LIMS1: variants seen among roughly 807,000 people sequenced by gnomAD.
LIMS1 encodes LIM and senescent cell antigen-like-containing domain protein 1.
Under a neutral mutation model 44.1 loss-of-function variants are expected in LIMS1, and 18 were observed. The observed-to-expected ratio is 0.41, with a 90% CI of 0.28 to 0.61. The LOEUF is 0.61. Among genes scored for constraint, LIMS1 ranks in the 20% least tolerant of loss-of-function variants. The probability of loss-of-function intolerance (pLI) is 0.32; values close to 1 mark genes in which losing one functional copy is unlikely to be tolerated. For synonymous variants in LIMS1, 93 were observed against 149.1 expected, an observed-to-expected ratio of 0.62 and a Z score of 2.74; for missense variants, 201 against 422.0, an observed-to-expected ratio of 0.48 and a Z score of 4.59.
intron 1 of LIMS1, among the ~76,000 whole-genome samples, chr2:108,658,703 G>T (rs1691093678): frequency 6.6e-6 from 1 of 152,298 alleles, no homozygotes; most frequent in Non-Finnish European, 1.5e-5. Flanking sequence ...GTTTTAAGGT[G>T]TAGTGAGGCT....
At chr2:108,552,200 A>G (rs546857725) in intron 1 of LIMS1, among the ~76,000 whole-genome samples, 3 of 144,610 alleles carry the variant, frequency 2.1e-5, no homozygotes, top group Admixed American at 7.0e-5. Context: ...GTATATATAA[A>G]ATATACAATA....
chr2:108,641,054 C>T (rs1689637617), intron 1 of LIMS1, among the ~76,000 whole-genome samples: 2 of 152,300 alleles, frequency 1.3e-5, no homozygotes, highest in South Asian at 2.1e-4. Context: ...CTGTGCCTGA[C>T]TTATTTCACT....
intron 1 of LIMS1, among the ~76,000 whole-genome samples, chr2:108,594,562 G>A (rs551978584): frequency 1.3e-5 from 2 of 151,994 alleles, no homozygotes; most frequent in African/African-American, 2.4e-5. Context: ...TCTACTGAGC[G>A]TATTCAATAA....
intron 1 of LIMS1, among the ~76,000 whole-genome samples, chr2:108,626,447 C>T (rs1688581985): frequency 6.6e-6 from 1 of 152,082 alleles, no homozygotes. Flanking sequence ...GTTCATAGTG[C>T]TTACTCCTAT....
At chr2:108,684,947 A>G (rs115925898) in exon 10 of LIMS1, 1 of 152,134 alleles carries the variant, frequency 6.6e-6, no homozygotes, top group Admixed American at 6.5e-5. Flanking sequence ...AAAAACATAC[A>G]TACTACATAC....
In LIMS1 at chr2:108,611,953, ATATAT is replaced by A. The variant is rs201566577; in HGVS notation, c.33-47646_33-47642del. Among the ~76,000 whole-genome samples, 1,303 of 141,034 alleles carry A rather than the reference ATATAT, an allele frequency of 9.2e-3. 22 individuals carry two copies. The highest frequency in any genetic ancestry group is 0.029 in the African/African-American group (1,093 of 37,230). The allele number at this position is 141,034 out of a possible 152,430, so 92.5% of individuals were successfully genotyped here. On this transcript the variant is annotated intron_variant, in intron 1 of 9. Coordinates refer to ENST00000544547, the Ensembl canonical transcript of LIMS1. The stretch of plus-strand genomic sequence containing the variant: ...ATATACATATATAAAATATATATAC[ATATAT>A]TATATATACACATATATAAAATATA...
intron 2 of LIMS1, among the ~76,000 whole-genome samples, chr2:108,663,287 T>TA (rs1189265179): frequency 1.3e-5 from 2 of 151,976 alleles, no homozygotes; most frequent in Non-Finnish European, 2.9e-5. Flanking sequence ...GCCAGATAAT[T>TA]AAAAAAATTT....
intron 2 of LIMS1, among the ~76,000 whole-genome samples, chr2:108,665,096 T>G (rs1219140905): frequency 6.6e-6 from 1 of 152,224 alleles, no homozygotes; most frequent in African/African-American, 2.4e-5. Context: ...GAAGCTTGGC[T>G]TTAGGAACTG....
At chr2:108,643,380 C>T (rs995489932) in intron 1 of LIMS1, among the ~76,000 whole-genome samples, 3 of 152,146 alleles carry the variant, frequency 2.0e-5, no homozygotes, top group Non-Finnish European at 2.9e-5. Context: ...TTGCCTCACC[C>T]GGGAAGCGCA....
At chr2:108,586,850 G>A (rs1686128118) in intron 1 of LIMS1, among the ~76,000 whole-genome samples, 1 of 152,166 alleles carries the variant, frequency 6.6e-6, no homozygotes, top group Admixed American at 6.5e-5. Context: ...GACTGTCCCT[G>A]CTGGGAATGG....
At chr2:108,587,491 T>C (rs1309839609) in intron 1 of LIMS1, among the ~76,000 whole-genome samples, 1 of 152,068 alleles carries the variant, frequency 6.6e-6, no homozygotes, top group Middle Eastern at 3.2e-3. Context: ...TGTAAGCCAC[T>C]GCACCTGGCC....
At chr2:108,681,881 ACT>A (rs1347887385) in intron 9 of LIMS1, among the ~76,000 whole-genome samples, 2 of 150,280 alleles carry the variant, frequency 1.3e-5, no homozygotes, top group African/African-American at 2.5e-5. Context: ...ACAGAGTGAG[ACT>A]CTGTCTCAAA....
intron 9 of LIMS1, chr2:108,681,495 G>C: frequency 2.0e-6 from 2 of 979,012 alleles, no homozygotes; most frequent in Non-Finnish European, 2.4e-6. Context: ...ACATTTTAAA[G>C]GATTTTTGTC....
chr2:108,552,351 G>A (rs1214919282), intron 1 of LIMS1, among the ~76,000 whole-genome samples: 2 of 137,742 alleles, frequency 1.5e-5, no homozygotes, highest in Non-Finnish European at 3.1e-5. Context: ...GTATATATAT[G>A]AAACTATATA....
intron 1 of LIMS1, among the ~76,000 whole-genome samples, chr2:108,565,935 A>G (rs1183010081): frequency 2.0e-5 from 3 of 152,290 alleles, no homozygotes; most frequent in Admixed American, 6.5e-5. Context: ...CTCCATGCCT[A>G]TCACCTCCTA....
chr2:108,679,392 A>AT (rs1692794616), intron 8 of LIMS1, among the ~76,000 whole-genome samples: 1 of 152,110 alleles, frequency 6.6e-6, no homozygotes, highest in Non-Finnish European at 1.5e-5. Context: ...AGACAGGAGA[A>AT]TCACCTGAAC....
chr2:108,634,255 T>G (rs1253901170), intron 1 of LIMS1, among the ~76,000 whole-genome samples: 1 of 152,218 alleles, frequency 6.6e-6, no homozygotes, highest in African/African-American at 2.4e-5. Flanking sequence ...CCAGCTCTCA[T>G]GCAGCACTCA....
At chr2:108,534,955 G>A (rs930718245) in intron 1 of LIMS1, among the ~76,000 whole-genome samples, 4 of 152,236 alleles carry the variant, frequency 2.6e-5, no homozygotes, top group African/African-American at 9.6e-5. Flanking sequence ...TGGGACTAGA[G>A]GACCTGGAAT....
intron 1 of LIMS1, among the ~76,000 whole-genome samples, chr2:108,580,153 A>G (rs779373055): frequency 6.6e-6 from 1 of 152,230 alleles, no homozygotes; most frequent in Non-Finnish European, 1.5e-5. Flanking sequence ...CTGAACTTAC[A>G]GGTCTCTGAG....
Sources: allele counts gnomAD v4.1 joint callset (sites outside exome capture counted in the v4.1 genomes callset), GRCh38; gene constraint gnomAD v4.1.1; transcripts MANE v1.5; gene names NCBI Gene and HGNC (gene_info 2026-07-23, HGNC 2026-07-21).